The following CAMTA1 variants were observed in gnomAD, a reference collection of about 807,000 sequenced individuals.
CAMTA1 encodes the protein calmodulin-binding transcription activator 1.
Under a neutral mutation model 170.9 loss-of-function variants are expected in CAMTA1, and 27 were observed. The observed-to-expected ratio is 0.16, with a 90% CI of 0.12 to 0.22. The LOEUF is 0.22. Among genes scored for constraint, CAMTA1 ranks in the 10% least tolerant of loss-of-function variants. The probability of loss-of-function intolerance (pLI) is 1.00; values close to 1 mark genes in which losing one functional copy is unlikely to be tolerated. For synonymous variants in CAMTA1, 833 were observed against 891.5 expected (o/e 0.93, Z 1.17); for missense variants, 1,619 against 2,217.2 (o/e 0.73, Z 5.42).
intron 6 of CAMTA1, among the ~76,000 whole-genome samples, chr1:7,498,923 G>T (rs1206114904): frequency 1.2e-5 from 1 of 80,146 alleles, no homozygotes; most frequent in Non-Finnish European, 2.3e-5. Flanking sequence ...GTATGTATAT[G>T]AGTGTGTGTG....
chr1:6,807,055 T>TA (rs1194411599), intron 1 of CAMTA1: 1 of 665,182 alleles, frequency 1.5e-6, no homozygotes, highest in African/African-American at 1.8e-5. Flanking sequence ...CAAGATGCCA[T>TA]ATGAAATTTC....
At chr1:7,415,171 A>G (rs1273784756) in intron 5 of CAMTA1, among the ~76,000 whole-genome samples, 3 of 151,828 alleles carry the variant, frequency 2.0e-5, no homozygotes, top group Non-Finnish European at 4.4e-5. Context: ...GGAGTGCTTT[A>G]CTTCCAACTA....
intron 3 of CAMTA1, among the ~76,000 whole-genome samples, chr1:6,881,953 T>C (rs922410259): frequency 6.6e-6 from 1 of 152,110 alleles, no homozygotes; most frequent in African/African-American, 2.4e-5. Context: ...GGAGACAGTG[T>C]GAGACTCTGT....
chr1:7,714,285 A>G (rs1245258448), intron 11 of CAMTA1, among the ~76,000 whole-genome samples: 1 of 152,226 alleles, frequency 6.6e-6, no homozygotes. Context: ...AGAAATTTAG[A>G]ACATCCAACT....
At chr1:7,159,558 T>C (rs570086972) in intron 4 of CAMTA1, among the ~76,000 whole-genome samples, 38 of 152,252 alleles carry the variant, frequency 2.5e-4, no homozygotes, top group Admixed American at 7.2e-4. Flanking sequence ...TTGTTTTTGT[T>C]TTTGAGACAG....
intron 6 of CAMTA1, among the ~76,000 whole-genome samples, chr1:7,614,558 C>A (rs780363888): frequency 6.6e-6 from 1 of 152,184 alleles, no homozygotes; most frequent in Non-Finnish European, 1.5e-5. Context: ...GGCGCTGACA[C>A]GCTGAAGGCT....
chr1:7,366,423 G>A (rs1045500698), intron 5 of CAMTA1, among the ~76,000 whole-genome samples: 4 of 152,232 alleles, frequency 2.6e-5, no homozygotes, highest in African/African-American at 9.6e-5. Context: ...CTTGGAGAAA[G>A]CTCAGAATAG....
intron 6 of CAMTA1, among the ~76,000 whole-genome samples, chr1:7,579,552 CTTTTTTTTTTT>C (rs3034816): frequency 2.5e-5 from 2 of 79,192 alleles, no homozygotes; most frequent in Non-Finnish European, 2.3e-5. Context: ...CTTTTCTTTT[CTTTTTTTTTTT>C]TTTTTTTTTT....
At chr1:6,940,952 G>GGATCCTCAGGGGGAGGGA (rs1557861740) in intron 3 of CAMTA1, among the ~76,000 whole-genome samples, 1 of 149,228 alleles carries the variant, frequency 6.7e-6, no homozygotes. Flanking sequence ...AGGGGGAGGG[G>GGATCCTCAGGGGGAGGGA]GGATCCTTGC....
chr1:7,624,165 G>T (rs1406661330), intron 6 of CAMTA1, among the ~76,000 whole-genome samples: 1 of 152,240 alleles, frequency 6.6e-6, no homozygotes, highest in Non-Finnish European at 1.5e-5. Flanking sequence ...CAAACAGGGA[G>T]CGAGTGCTGT....
chr1:6,862,468 C>A (rs1665106020), intron 3 of CAMTA1, among the ~76,000 whole-genome samples: 1 of 152,168 alleles, frequency 6.6e-6, no homozygotes, highest in South Asian at 2.1e-4. Flanking sequence ...TTGAATAATG[C>A]CATGAACATA....
At chr1:7,329,712 A>G (rs1456942978) in intron 5 of CAMTA1, among the ~76,000 whole-genome samples, 1 of 152,158 alleles carries the variant, frequency 6.6e-6, no homozygotes, top group Non-Finnish European at 1.5e-5. Flanking sequence ...CAATTACAGA[A>G]GCGATACCCC....
rs1461657880 is a variant in CAMTA1, at chr1:7,767,945, GAGTTT to G, written c.*1461_*1465del. The G allele has an allele frequency of 1.3e-5, 2 of 152,032 alleles. No individual in the cohort carries two copies. The highest frequency in any genetic ancestry group is 2.9e-5 in the Non-Finnish European group (2 of 67,904). 9.4% of individuals were successfully genotyped at this position (152,032 alleles called of 1,614,324 possible). A position where few individuals can be genotyped will look rare whatever the true frequency, so the allele number is the denominator to read the frequency against. ...GTTTACATTTAATTTTGGCTACCAGGAGTTTAGTTTATTTTATTTAAAATTTTTTT... is the reference window on the plus strand; with the variant it reads ...GTTTACATTTAATTTTGGCTACCAGGAGTTTATTTTATTTAAAATTTTTTT... On this transcript the variant is annotated 3_prime_UTR_variant, in exon 23 of 23. Transcript: ENST00000303635.
At chr1:6,961,102 C>G (rs1690320562) in intron 3 of CAMTA1, among the ~76,000 whole-genome samples, 1 of 152,174 alleles carries the variant, frequency 6.6e-6, no homozygotes. Context: ...AGGGGAGTTT[C>G]TGGAATGAAT....
At chr1:7,715,459 G>T (rs1456968184) in intron 11 of CAMTA1, among the ~76,000 whole-genome samples, 1 of 150,120 alleles carries the variant, frequency 6.7e-6, no homozygotes, top group African/African-American at 2.5e-5. Context: ...TTGAGGCACG[G>T]TCTCTCTCTC....
At chr1:6,979,784 C>G (rs547015489) in intron 3 of CAMTA1, among the ~76,000 whole-genome samples, 3 of 151,942 alleles carry the variant, frequency 2.0e-5, no homozygotes, top group East Asian at 3.9e-4. Context: ...ACTGTCGCCT[C>G]ATGGTGGCGT....
At chr1:7,355,824 T>G (rs779383138) in intron 5 of CAMTA1, among the ~76,000 whole-genome samples, 1 of 64,350 alleles carries the variant, frequency 1.6e-5, no homozygotes, top group Non-Finnish European at 2.9e-5. Flanking sequence ...ACAGGCCACC[T>G]TGCTGGTTCT....
chr1:6,968,194 G>A (rs1262567610), intron 3 of CAMTA1, among the ~76,000 whole-genome samples: 1 of 152,244 alleles, frequency 6.6e-6, no homozygotes, highest in Admixed American at 6.5e-5. Context: ...TTGGTGTGCC[G>A]AGAAAACGGC....
Position 6,970,150 on chromosome 1 carries a change from G to A in CAMTA1, c.235-121154G>A, listed in dbSNP as rs1369882323. Among the ~76,000 whole-genome samples, 2 of 152,104 alleles carry A rather than the reference G, an allele frequency of 1.3e-5. No homozygotes were observed. Among genetic ancestry groups the A allele is most frequent in the Non-Finnish European group, 2.9e-5 (2 of 68,034 alleles). ...TATTTTAAATTACAAATGTATTTTT[G>A]TTATAAAATTATATAATAATCTTCC... On this transcript the variant is annotated intron_variant, in intron 3 of 22. Transcript: ENST00000303635. The surrounding 1 kb of genome is among the most constrained non-coding windows in gnomAD (Gnocchi z 4.4).
Sources: allele counts gnomAD v4.1 joint callset (sites outside exome capture counted in the v4.1 genomes callset), GRCh38; gene constraint gnomAD v4.1.1; non-coding constraint Gnocchi (gnomAD v3.1); transcripts MANE v1.5; gene names NCBI Gene and HGNC (gene_info 2026-07-23, HGNC 2026-07-21).